AFAP1: variants seen among roughly 807,000 people sequenced by gnomAD.
AFAP1 encodes the protein actin filament associated protein 1.
In AFAP1, 75 loss-of-function variants were observed where a neutral mutation model predicts 93.9. The observed-to-expected ratio is 0.80, with a 90% CI of 0.66 to 0.97. AFAP1 has a LOEUF of 0.97. Among genes scored for constraint, AFAP1 ranks in the 50% least tolerant of loss-of-function variants. The probability of loss-of-function intolerance (pLI) is 0.00; values close to 1 mark genes in which losing one functional copy is unlikely to be tolerated. For synonymous variants in AFAP1, 517 were observed against 430.7 expected (o/e 1.20, Z -2.48); for missense variants, 1,201 against 1,050.8 (o/e 1.14, Z -1.98).
chr4:7,822,995 G>T (rs959986370), intron 6 of AFAP1, among the ~76,000 whole-genome samples: 1 of 151,568 alleles, frequency 6.6e-6, no homozygotes, highest in African/African-American at 2.4e-5. Flanking sequence ...CTGTGTGAAT[G>T]GTGTCTTCTG....
At chr4:7,836,790 C>G (rs1436586023) in intron 6 of AFAP1, among the ~76,000 whole-genome samples, 2 of 151,484 alleles carry the variant, frequency 1.3e-5, no homozygotes, top group African/African-American at 4.9e-5. Flanking sequence ...AGCATCTAGA[C>G]TATGGTGATG....
intron 1 of AFAP1, among the ~76,000 whole-genome samples, chr4:7,919,102 C>T (rs534471223): frequency 1.3e-5 from 2 of 152,182 alleles, no homozygotes; most frequent in South Asian, 4.1e-4. Flanking sequence ...AGATGAGACA[C>T]TAGGCCCAGA....
chr4:7,798,448 T>C (rs1299681050), intron 10 of AFAP1, among the ~76,000 whole-genome samples: 2 of 109,590 alleles, frequency 1.8e-5, no homozygotes, highest in Non-Finnish European at 4.1e-5. Context: ...TGCAACCCTA[T>C]TGGCTGGCTC....
At chr4:7,871,841 C>T in intron 2 of AFAP1, 111 bp downstream of exon 2, 3 of 1,407,008 alleles carry the variant, frequency 2.1e-6, no homozygotes, top group Non-Finnish European at 2.9e-6. Flanking sequence ...AATAAATAAG[C>T]TTGTAAGTTA....
intron 8 of AFAP1, among the ~76,000 whole-genome samples, chr4:7,813,675 C>T (rs1443479368): frequency 6.6e-6 from 1 of 152,180 alleles, no homozygotes; most frequent in Non-Finnish European, 1.5e-5. Context: ...AATGTGTGCC[C>T]TGTGGAAGAC....
chr4:7,760,083 C>G lies in AFAP1; in HGVS notation c.*3682G>C, dbSNP rs1713565564. 1 of 152,208 alleles carries G rather than the reference C, an allele frequency of 6.6e-6. No individual in the cohort carries two copies. Among genetic ancestry groups the G allele is most frequent in the Non-Finnish European group, 1.5e-5 (1 of 68,038 alleles). The allele number at this position is 152,208 out of a possible 1,614,324, so 9.4% of individuals were successfully genotyped here. The stretch of plus-strand genomic sequence containing the variant: ...TTTGCTCACAACCCTACACCTAACC[C>G]CAGCTTCGACGCTGCCCTTTGAGTC... On this transcript the variant is annotated 3_prime_UTR_variant, in exon 18 of 18. Transcript: ENST00000420658.
chr4:7,891,589 T>C (rs959037163), intron 1 of AFAP1, among the ~76,000 whole-genome samples: 1 of 152,060 alleles, frequency 6.6e-6, no homozygotes, highest in Admixed American at 6.5e-5. Flanking sequence ...GACAGCAGAA[T>C]TCCTAATCAC....
chr4:7,847,798 T>TGGGGG (rs752684366), intron 4 of AFAP1, among the ~76,000 whole-genome samples: 1 of 142,630 alleles, frequency 7.0e-6, no homozygotes, highest in Non-Finnish European at 1.5e-5. Flanking sequence ...GTACTCGGGG[T>TGGGGG]GGGGCATTGA....
intron 1 of AFAP1, among the ~76,000 whole-genome samples, chr4:7,930,431 G>A (rs1007793322): frequency 2.0e-5 from 3 of 151,248 alleles, no homozygotes; most frequent in South Asian, 2.1e-4. Context: ...AGCCCATCTC[G>A]TCTCCCCTCC....
At chr4:7,851,040 C>A (rs138731328) in intron 4 of AFAP1, among the ~76,000 whole-genome samples, 20 of 152,196 alleles carry the variant, frequency 1.3e-4, no homozygotes, top group Non-Finnish European at 2.6e-4. Flanking sequence ...TCTGATGAAA[C>A]CCTCACTGCT....
chr4:7,809,246 A>G (rs1325438189), intron 9 of AFAP1, among the ~76,000 whole-genome samples: 1 of 150,690 alleles, frequency 6.6e-6, no homozygotes, highest in African/African-American at 2.4e-5. Flanking sequence ...ACTTTGCCCA[A>G]GGGAAAGAAC....
At chr4:7,766,817 G>A (rs551599745) in intron 17 of AFAP1, among the ~76,000 whole-genome samples, 2 of 152,292 alleles carry the variant, frequency 1.3e-5, no homozygotes, top group South Asian at 2.1e-4. Context: ...TGTGCCTGGT[G>A]GGTGGTTATG....
chr4:7,771,419 T>C (rs1376463479), intron 16 of AFAP1, among the ~76,000 whole-genome samples: 1 of 152,102 alleles, frequency 6.6e-6, no homozygotes, highest in Non-Finnish European at 1.5e-5. Flanking sequence ...ATTTTATATA[T>C]AATAGATAAA....
rs1008269677 is a variant in AFAP1 at position 7,939,604 on chromosome 4, GCAGAGACCCCCGCCGGGTC to G, written c.-3+33_-3+51del. The G allele has an allele frequency of 1.5e-5, 6 of 407,942 alleles. No individual in the cohort carries two copies. The highest frequency in any genetic ancestry group is 5.5e-5 in the Admixed American group (2 of 36,220). 25.3% of individuals were successfully genotyped at this position (407,942 alleles called of 1,614,324 possible). On this transcript the variant is annotated intron_variant, in intron 1 of 17. Transcript: ENST00000420658. This position sits in a 1 kb window ranked among gnomAD's most constrained non-coding sequence, Gnocchi z 5.6. The stretch of plus-strand genomic sequence containing the variant: ...CCCGCTCGGAGCTTCCACGCCCGGG[GCAGAGACCCCCGCCGGGTC>G]CGGAGACCCTGCCGCCAGTCGCGCC...
At chr4:7,823,175 G>A (rs550403031) in intron 6 of AFAP1, among the ~76,000 whole-genome samples, 5 of 152,170 alleles carry the variant, frequency 3.3e-5, no homozygotes, top group Non-Finnish European at 5.9e-5. Flanking sequence ...AGTTGTGCTC[G>A]TGTTCATGGG....
chr4:7,847,660 G>A (rs989180194), intron 4 of AFAP1, among the ~76,000 whole-genome samples: 2 of 152,258 alleles, frequency 1.3e-5, no homozygotes, highest in East Asian at 1.9e-4. Flanking sequence ...GGTCATAAAC[G>A]TTTTGTGAAA....
At chr4:7,886,350 A>G (rs1718141676) in intron 1 of AFAP1, among the ~76,000 whole-genome samples, 1 of 152,222 alleles carries the variant, frequency 6.6e-6, no homozygotes, top group Non-Finnish European at 1.5e-5. Flanking sequence ...CTAAAAAGGG[A>G]AAGCAAATCA....
intron 1 of AFAP1, among the ~76,000 whole-genome samples, chr4:7,908,956 C>T (rs1560231409): frequency 6.9e-6 from 1 of 145,920 alleles, no homozygotes; most frequent in Non-Finnish European, 1.5e-5. Flanking sequence ...CTAGAGGCAA[C>T]GGTCCAATTA....
chr4:7,794,837 T>A (rs1170788339), intron 10 of AFAP1, among the ~76,000 whole-genome samples: 2 of 152,224 alleles, frequency 1.3e-5, no homozygotes, highest in Non-Finnish European at 2.9e-5. Flanking sequence ...TAAGCCATTG[T>A]TTTAAAGTGA....
Sources: gnomAD v4.1 joint callset for allele counts (sites outside exome capture counted in the v4.1 genomes callset) on GRCh38, gnomAD v4.1.1 for gene constraint, Gnocchi (gnomAD v3.1) non-coding constraint, MANE v1.5 for transcripts, NCBI Gene and HGNC (gene_info 2026-07-23, HGNC 2026-07-21) for gene names.